Variants in MAP3K7CL observed in about 807,000 individuals in gnomAD.
The protein encoded by MAP3K7CL is MAP3K7 C-terminal like.
In MAP3K7CL, 16 loss-of-function variants were observed where a neutral mutation model predicts 18.6. The observed-to-expected ratio is 0.86, with a 90% CI of 0.58 to 1.31. The LOEUF is 1.31. Among genes scored for constraint, MAP3K7CL ranks in the 50% most tolerant of loss-of-function variants. The probability of loss-of-function intolerance (pLI) is 0.00; values close to 1 mark genes in which losing one functional copy is unlikely to be tolerated. For missense variants in MAP3K7CL, 163 were observed against 174.4 expected, an observed-to-expected ratio of 0.93 and a Z score of 0.37; for synonymous variants, 65 against 66.8, an observed-to-expected ratio of 0.97 and a Z score of 0.13.
upstream of MAP3K7CL, among the ~76,000 whole-genome samples, chr21:29,128,868 G>C (rs16983751): frequency 8.6e-3 from 1,303 of 151,990 alleles, 28 homozygotes; most frequent in African/African-American, 0.03. Context: ...GCATTAGTAA[G>C]TTTTATTATA....
intron 2 of MAP3K7CL, among the ~76,000 whole-genome samples, chr21:29,142,803 C>T (rs1302476659): frequency 2.0e-5 from 3 of 152,196 alleles, no homozygotes; most frequent in Non-Finnish European, 4.4e-5. Context: ...ATACCCTTCC[C>T]ATTTTGCAGA....
intron 4 of MAP3K7CL, among the ~76,000 whole-genome samples, chr21:29,099,260 G>GAT (rs1408494922): frequency 4.9e-4 from 58 of 119,050 alleles, no homozygotes; most frequent in African/African-American, 1.9e-3. Flanking sequence ...CCAGCTAATT[G>GAT]ATTTTTTTTT....
chr21:29,093,007 G>A (rs893680485), intron 4 of MAP3K7CL, among the ~76,000 whole-genome samples: 11 of 152,054 alleles, frequency 7.2e-5, no homozygotes, highest in South Asian at 2.1e-4. Flanking sequence ...GGGTTCAAGC[G>A]ATTCTCCTGC....
At chr21:29,166,424 A>G (rs373477398) in intron 4 of MAP3K7CL, among the ~76,000 whole-genome samples, 52 of 152,348 alleles carry the variant, frequency 3.4e-4, no homozygotes, top group African/African-American at 1.1e-3. Flanking sequence ...ACACTTGGAC[A>G]CGTAGGTTGA....
intron 4 of MAP3K7CL, among the ~76,000 whole-genome samples, chr21:29,104,489 C>G (rs146797755): frequency 6.6e-6 from 1 of 152,160 alleles, no homozygotes; most frequent in African/African-American, 2.4e-5. Flanking sequence ...AAATCCCCCA[C>G]GTGGAGGCAA....
intron 4 of MAP3K7CL, among the ~76,000 whole-genome samples, chr21:29,167,380 AATG>A (rs1456978204): frequency 6.6e-6 from 1 of 152,218 alleles, no homozygotes; most frequent in African/African-American, 2.4e-5. Context: ...AAATGTATAA[AATG>A]ATGATTGGGG....
intron 2 of MAP3K7CL, among the ~76,000 whole-genome samples, chr21:29,137,732 C>T (rs1345032888): frequency 6.6e-6 from 1 of 152,068 alleles, no homozygotes; most frequent in Non-Finnish European, 1.5e-5. Flanking sequence ...CTGCTTGAGT[C>T]AGCCATTGTT....
At chr21:29,104,635 G>A (rs990346245) in intron 4 of MAP3K7CL, among the ~76,000 whole-genome samples, 1 of 152,126 alleles carries the variant, frequency 6.6e-6, no homozygotes, top group East Asian at 1.9e-4. Context: ...TCCTGAGCTG[G>A]AGTATTTGGA....
At chr21:29,148,539 G>T in intron 2 of MAP3K7CL, among the ~76,000 whole-genome samples, 1 of 152,196 alleles carries the variant, frequency 6.6e-6, no homozygotes, top group Non-Finnish European at 1.5e-5. Context: ...GTCAACGTAA[G>T]CATGAGTTAG....
intron 3 of MAP3K7CL, among the ~76,000 whole-genome samples, chr21:29,156,170 A>C (rs1467540346): frequency 2.0e-5 from 3 of 152,234 alleles, no homozygotes; most frequent in Non-Finnish European, 4.4e-5. Context: ...TGATGTGAAA[A>C]ATAATTAACT....
upstream of MAP3K7CL, chr21:29,127,972 T>A (rs1461941068): frequency 6.6e-6 from 1 of 152,252 alleles, no homozygotes; most frequent in Non-Finnish European, 1.5e-5. Context: ...AGGTGCTACT[T>A]CATCCTAGGT....
intron 3 of MAP3K7CL, among the ~76,000 whole-genome samples, chr21:29,150,642 T>C (rs1278915438): frequency 6.6e-6 from 1 of 152,158 alleles, no homozygotes; most frequent in Non-Finnish European, 1.5e-5. Flanking sequence ...CTATCCTCCA[T>C]GCAGGGTTCT....
upstream of MAP3K7CL, chr21:29,085,673 C>T: frequency 2.2e-6 from 1 of 448,494 alleles, no homozygotes; most frequent in East Asian, 3.3e-5. Context: ...TGTAGAAAAC[C>T]TCGTTCTCCC....
intron 4 of MAP3K7CL, among the ~76,000 whole-genome samples, chr21:29,123,535 T>G (rs998557433): frequency 1.3e-5 from 2 of 152,210 alleles, no homozygotes; most frequent in Non-Finnish European, 2.9e-5. Context: ...AACTCTATAG[T>G]TTCTTTAACA....
chr21:29,109,355 A>G (rs2086380458), intron 4 of MAP3K7CL: 1 of 1,382,212 alleles, frequency 7.2e-7, no homozygotes, highest in Non-Finnish European at 9.3e-7. Context: ...TTCATTAGTA[A>G]TAGAAAGATA....
At chr21:29,173,464 T>G (rs979086172) in intron 4 of MAP3K7CL, among the ~76,000 whole-genome samples, 5 of 152,232 alleles carry the variant, frequency 3.3e-5, no homozygotes, top group African/African-American at 1.2e-4. Flanking sequence ...CATCTAATGC[T>G]AACACCAGCA....
At chr21:29,091,899 T>G (rs936364426) in intron 3 of MAP3K7CL, 2 of 586,228 alleles carry the variant, frequency 3.4e-6, no homozygotes, top group Non-Finnish European at 6.1e-6. Context: ...CAAAAGTCCT[T>G]TTGAGTTGGA....
intron 4 of MAP3K7CL, among the ~76,000 whole-genome samples, chr21:29,118,787 G>A (rs1473955461): frequency 1.3e-5 from 2 of 152,238 alleles, no homozygotes; most frequent in Non-Finnish European, 2.9e-5. Context: ...AACTAAAGAC[G>A]TGATTCTTTA....
intron 4 of MAP3K7CL, among the ~76,000 whole-genome samples, chr21:29,116,741 A>T (rs2086510975): frequency 6.6e-6 from 1 of 152,214 alleles, no homozygotes; most frequent in East Asian, 1.9e-4. Flanking sequence ...GAATACTAAA[A>T]GCATGCTAAT....
Sources: allele counts gnomAD v4.1 joint callset (sites outside exome capture counted in the v4.1 genomes callset), GRCh38; gene constraint gnomAD v4.1.1; transcripts MANE v1.5; gene names NCBI Gene and HGNC (gene_info 2026-07-23, HGNC 2026-07-21).